ZFAND4: variants seen among roughly 807,000 people sequenced by gnomAD.
ZFAND4 encodes AN1-type zinc finger protein 4.
ZFAND4 carries 43 observed loss-of-function variants against 64.4 expected under a neutral mutation model. That is an observed-to-expected ratio of 0.67 (90% CI 0.52 to 0.86). The LOEUF is 0.86. Ranked by LOEUF, ZFAND4 falls within the 40% of genes least tolerant of loss-of-function variation. ZFAND4 has a pLI of 0.00. For synonymous variants in ZFAND4, 296 were observed against 305.7 expected, an observed-to-expected ratio of 0.97 and a Z score of 0.33; for missense variants, 929 against 859.8, an observed-to-expected ratio of 1.08 and a Z score of -1.01.
At chr10:45,665,532 C>G (rs561912174) in intron 1 of ZFAND4, among the ~76,000 whole-genome samples, 4 of 151,922 alleles carry the variant, frequency 2.6e-5, no homozygotes, top group Non-Finnish European at 5.9e-5. Context: ...CAGAGCAAGA[C>G]TCCATCATTA....
At chr10:45,618,374 A>C (rs915590545) in intron 8 of ZFAND4, 114 bp from the exon 9 acceptor site, 10 of 1,303,370 alleles carry the variant, frequency 7.7e-6, no homozygotes, top group Non-Finnish European at 1.0e-5. Flanking sequence ...TGCCATAAAA[A>C]TTAATTTGTG....
chr10:45,625,026 A>C (rs1401302212), intron 7 of ZFAND4, among the ~76,000 whole-genome samples: 1 of 152,054 alleles, frequency 6.6e-6, no homozygotes, highest in East Asian at 1.9e-4. Context: ...AGAATATAAA[A>C]GTTAGCCAGG....
At position 45,648,413 on chromosome 10, in the gene ZFAND4, T is replaced by G. The variant is rs145327982; in HGVS notation, c.450A>C (p.Gln150His). 7 of 1,614,064 alleles carry G rather than the reference T, an allele frequency of 4.3e-6. No homozygotes were observed. The Admixed American group carries it at 5.0e-5, about 12-fold the overall frequency. Residue 150 changes from glutamine (Q) to histidine (H), a missense_variant, in exon 5 of 10, where the codon CAA becomes CAC. Physicochemically the swap from Gln to His is conservative, Grantham distance 24. Transcript: ENST00000344646. The part of the protein sequence containing the change: ...VTFLVYQEGD[Q>H]LNFFPAVDRG... ...TATCTACTGCAGGAAAGAAATTCAATTGATCTCCTTCTTGGTATACCAAAA... is the reference window on the plus strand; with the variant it reads ...TATCTACTGCAGGAAAGAAATTCAAGTGATCTCCTTCTTGGTATACCAAAA...
chr10:45,669,415 G>C (rs959899930), intron 1 of ZFAND4, among the ~76,000 whole-genome samples: 2 of 152,284 alleles, frequency 1.3e-5, no homozygotes, highest in South Asian at 2.1e-4. Flanking sequence ...AAAAGTCCAG[G>C]TCCAGATGGA....
intron 1 of ZFAND4, among the ~76,000 whole-genome samples, chr10:45,666,825 T>C (rs2048854838): frequency 1.3e-5 from 2 of 152,214 alleles, no homozygotes; most frequent in Non-Finnish European, 2.9e-5. Context: ...TTACTGTAAA[T>C]GTGAAGGTTT....
intron 4 of ZFAND4, chr10:45,651,691 G>A (rs1438430308): frequency 1.9e-6 from 1 of 538,666 alleles, no homozygotes; most frequent in Non-Finnish European, 3.7e-6. Context: ...AGTATTTATA[G>A]TATGTCATTC....
intron 9 of ZFAND4, among the ~76,000 whole-genome samples, chr10:45,617,114 G>A (rs1386807903): frequency 2.6e-5 from 4 of 151,592 alleles, no homozygotes; most frequent in African/African-American, 7.3e-5. Flanking sequence ...ATGAAACAGG[G>A]TATAGAACTC....
At chr10:45,648,928 C>T in intron 4 of ZFAND4, 1 of 983,372 alleles carries the variant, frequency 1.0e-6, no homozygotes, top group Non-Finnish European at 1.2e-6. Context: ...ATATTGGTTC[C>T]AACAATAATT....
chr10:45,617,358 C>T (rs554500635), intron 9 of ZFAND4, among the ~76,000 whole-genome samples: 5 of 151,936 alleles, frequency 3.3e-5, no homozygotes, highest in African/African-American at 4.8e-5. Context: ...GGTGTGGTGG[C>T]GGCTCACACC....
At position 45,616,580 on chromosome 10, in the gene ZFAND4, C is replaced by T. The variant is rs776030174; in HGVS notation, c.2049-9G>A. The T allele has an allele frequency of 9.3e-6, 15 of 1,611,182 alleles. No homozygotes were observed. The highest frequency in any genetic ancestry group is 1.7e-4 in the Middle Eastern group (1 of 6,046). ...AGAAGTTGTTTCCACATCTAAAGCACAAAAAAAGTTTACGTGAATAGTTGT... is the reference window on the plus strand; with the variant it reads ...AGAAGTTGTTTCCACATCTAAAGCATAAAAAAAGTTTACGTGAATAGTTGT... On this transcript the variant is annotated splice_polypyrimidine_tract_variant and intron_variant, in intron 9 of 9. Transcript: ENST00000344646.
chr10:45,653,666 A>G (rs2047907217), intron 2 of ZFAND4, among the ~76,000 whole-genome samples: 1 of 152,230 alleles, frequency 6.6e-6, no homozygotes, highest in South Asian at 2.1e-4. Flanking sequence ...AAGTCAAAAA[A>G]TAACTGATGT....
intron 5 of ZFAND4, among the ~76,000 whole-genome samples, chr10:45,645,936 G>A (rs778260278): frequency 6.6e-6 from 1 of 151,954 alleles, no homozygotes; most frequent in Non-Finnish European, 1.5e-5. Context: ...TTCAATAAAA[G>A]CATGTGCTCA....
At chr10:45,622,886 T>C (rs1234662368) in intron 8 of ZFAND4, among the ~76,000 whole-genome samples, 2 of 151,686 alleles carry the variant, frequency 1.3e-5, no homozygotes, top group African/African-American at 4.9e-5. Flanking sequence ...GTATCTTTAA[T>C]AAAGCTGGAT....
chr10:45,618,077 C>T, intron 9 of ZFAND4, 63 bp downstream of exon 9: 1 of 1,540,776 alleles, frequency 6.5e-7, no homozygotes, highest in Non-Finnish European at 8.7e-7. Context: ...TTTTATTTTG[C>T]ATAATCCCCA....
At chr10:45,671,911 TTAAAGG>T (rs778954207) in intron 1 of ZFAND4, among the ~76,000 whole-genome samples, 2 of 152,170 alleles carry the variant, frequency 1.3e-5, no homozygotes, top group Non-Finnish European at 2.9e-5. Flanking sequence ...GAAATGGAAG[TTAAAGG>T]TAAACAGGCA....
In ZFAND4 at chr10:45,648,456, C is replaced by T. The variant is rs1012724771; in HGVS notation, c.407G>A (p.Cys136Tyr). 6.2e-7 allele frequency: 1 copy of T among 1,613,680 alleles called. No homozygotes were observed. The highest frequency in any genetic ancestry group is 2.2e-5 in the East Asian group (1 of 44,852). ...TACCAAAAATGTAACTTGTTTGCTG[C>T]AGGAGGTCTTCTCCCAGACCTCAAC... ...SRVEVWEKTS[C>Y]SKQVTFLVYQ... The change falls in exon 5 of 10, where the codon TGC becomes TAC. Residue 136 changes from cysteine (C) to tyrosine (Y), a missense_variant. Physicochemically the swap from Cys to Tyr is radical, Grantham distance 194. Coordinates refer to ENST00000344646, the MANE Select transcript of ZFAND4 (RefSeq NM_174890.4).
chr10:45,621,610 C>T (rs889882476), intron 8 of ZFAND4, among the ~76,000 whole-genome samples: 9 of 151,824 alleles, frequency 5.9e-5, no homozygotes, highest in Middle Eastern at 3.4e-3. Context: ...GGTGTGGTGG[C>T]GGGCACCTGT....
rs748333083 is a variant in ZFAND4 at position 45,663,774 on chromosome 10, T to A, written c.-49A>T. ...TAAAATATGTCGCAGGCAACTGTAT[T>A]CCAGTTCTAGGCAAACCAGGTTTGA... On this transcript the variant is annotated 5_prime_UTR_variant, in exon 2 of 10. Coordinates refer to ENST00000344646, the MANE Select transcript of ZFAND4 (RefSeq NM_174890.4). 8 of 1,500,846 alleles carry A rather than the reference T, an allele frequency of 5.3e-6. No individual in the cohort carries two copies. In the Middle Eastern group the frequency reaches 5.7e-4, roughly 107 times the overall value. The allele number at this position is 1,500,846 out of a possible 1,614,324, so 93.0% of individuals were successfully genotyped here.
chr10:45,640,413 A>C, intron 5 of ZFAND4: 1 of 1,122,918 alleles, frequency 8.9e-7, no homozygotes, highest in Non-Finnish European at 1.2e-6. Flanking sequence ...CATCCTGAGG[A>C]GATTCTCACT....
Sources: gnomAD v4.1 joint callset for allele counts (sites outside exome capture counted in the v4.1 genomes callset) on GRCh38, gnomAD v4.1.1 for gene constraint, MANE v1.5 for transcripts, NCBI Gene and HGNC (gene_info 2026-07-23, HGNC 2026-07-21) for gene names.